RALGPS1: variants seen among roughly 807,000 people sequenced by gnomAD.
The protein encoded by RALGPS1 is ras-specific guanine nucleotide-releasing factor RalGPS1.
Under a neutral mutation model 78.8 loss-of-function variants are expected in RALGPS1, and 19 were observed. The ratio of observed to expected loss-of-function variants is 0.24; its 90% CI spans 0.17 to 0.35. The LOEUF (loss-of-function observed/expected upper bound fraction) is 0.35. RALGPS1 is among the 10% of genes least tolerant of loss of function. The pLI is 1.00. For missense variants in RALGPS1, 454 were observed against 688.3 expected (o/e 0.66, Z 3.81); for synonymous variants, 228 against 256.3 (o/e 0.89, Z 1.06).
chr9:127,018,991 G>T (rs1167239219), intron 4 of RALGPS1, among the ~76,000 whole-genome samples: 1 of 152,156 alleles, frequency 6.6e-6, no homozygotes, highest in Non-Finnish European at 1.5e-5. Flanking sequence ...AAAATAAATG[G>T]TCAAAATTAA....
At chr9:127,148,815 G>A (rs997191557) in intron 8 of RALGPS1, among the ~76,000 whole-genome samples, 15 of 152,210 alleles carry the variant, frequency 9.9e-5, no homozygotes, top group East Asian at 1.9e-4. Context: ...TTCTCAAGGC[G>A]GTTGCATGCT....
chr9:126,928,170 AT>A (rs2035473791), intron 1 of RALGPS1, among the ~76,000 whole-genome samples: 1 of 152,176 alleles, frequency 6.6e-6, no homozygotes, highest in Non-Finnish European at 1.5e-5. Context: ...CTGATCTGTG[AT>A]CCATTGTGTG....
At chr9:127,079,319 GA>G (rs1168651621) in intron 8 of RALGPS1, among the ~76,000 whole-genome samples, 3 of 152,200 alleles carry the variant, frequency 2.0e-5, no homozygotes, top group Non-Finnish European at 4.4e-5. Flanking sequence ...TGGGACAAAG[GA>G]AAGACTGGGG....
intron 5 of RALGPS1, among the ~76,000 whole-genome samples, chr9:127,038,338 C>A (rs1228628769): frequency 6.6e-6 from 1 of 152,204 alleles, no homozygotes; most frequent in Non-Finnish European, 1.5e-5. Flanking sequence ...GAAACTGAGG[C>A]TCTGCAAAGT....
intron 8 of RALGPS1, among the ~76,000 whole-genome samples, chr9:127,104,833 A>G (rs1484958074): frequency 1.3e-5 from 2 of 152,234 alleles, no homozygotes; most frequent in Non-Finnish European, 2.9e-5. Flanking sequence ...GTTTAATTGC[A>G]AAGGTATTTC....
chr9:127,004,198 C>T (rs1222390146), intron 4 of RALGPS1, among the ~76,000 whole-genome samples: 11 of 152,026 alleles, frequency 7.2e-5, no homozygotes, highest in Non-Finnish European at 1.5e-4. Context: ...CAGGCTAAAG[C>T]GCAATGGCGT....
chr9:127,107,430 ACTC>A (rs528510918), intron 8 of RALGPS1, among the ~76,000 whole-genome samples: 145 of 152,114 alleles, frequency 9.5e-4, no homozygotes, highest in African/African-American at 2.9e-3. Flanking sequence ...TTTAGGAAGG[ACTC>A]CTTCCCATGC....
chr9:127,019,315 TTTTTATTTTA>T (rs755898486), intron 4 of RALGPS1, among the ~76,000 whole-genome samples: 28 of 152,192 alleles, frequency 1.8e-4, no homozygotes, highest in Admixed American at 1.2e-3. Context: ...TACTGTTCAT[TTTTTATTTTA>T]TTTTATTTTA....
intron 8 of RALGPS1, among the ~76,000 whole-genome samples, chr9:127,112,794 G>A (rs556490205): frequency 6.6e-6 from 1 of 152,342 alleles, no homozygotes; most frequent in Admixed American, 6.5e-5. Flanking sequence ...AGGATGCTGG[G>A]TGTGGGCCAG....
chr9:126,935,622 T>C (rs1167192030), intron 1 of RALGPS1, among the ~76,000 whole-genome samples: 1 of 135,610 alleles, frequency 7.4e-6, no homozygotes, highest in Non-Finnish European at 1.7e-5. Flanking sequence ...AACAACACTA[T>C]AAGTAACTCA....
intron 5 of RALGPS1, among the ~76,000 whole-genome samples, chr9:127,043,925 T>G (rs1039375798): frequency 6.6e-6 from 1 of 152,218 alleles, no homozygotes; most frequent in African/African-American, 2.4e-5. Flanking sequence ...CAAAAAACCC[T>G]GATAACACCA....
chr9:127,078,315 T>A (rs1459972882), intron 8 of RALGPS1, among the ~76,000 whole-genome samples: 1 of 152,182 alleles, frequency 6.6e-6, no homozygotes, highest in Admixed American at 6.5e-5. Flanking sequence ...AAATTCACAT[T>A]TTTTCTGGGA....
Position 126,914,811 on chromosome 9 carries a change from G to T in RALGPS1, c.-230G>T, listed in dbSNP as rs2033931201. ...CCTGGAGCGGACGGTTCCTACTGCG[G>T]CTGGGCACCGGCTCCGCTCCCGCGT... On this transcript the variant is annotated 5_prime_UTR_variant, in exon 1 of 19. Transcript: ENST00000259351. 6.6e-6 allele frequency: 1 copy of T among 152,258 alleles called. No homozygotes were observed. Among genetic ancestry groups the T allele is most frequent in the African/African-American group, 2.4e-5 (1 of 41,450 alleles). The allele number at this position is 152,258 out of a possible 1,614,324, so 9.4% of individuals were successfully genotyped here. A position where few individuals can be genotyped will look rare whatever the true frequency, so the allele number is the denominator to read the frequency against.
intron 4 of RALGPS1, among the ~76,000 whole-genome samples, chr9:127,003,124 A>T (rs2043498796): frequency 6.6e-6 from 1 of 152,220 alleles, no homozygotes; most frequent in Non-Finnish European, 1.5e-5. Flanking sequence ...AGGCATTACC[A>T]TTCAGGACAT....
At chr9:127,130,328 T>G (rs1321250826) in intron 8 of RALGPS1, among the ~76,000 whole-genome samples, 2 of 152,256 alleles carry the variant, frequency 1.3e-5, no homozygotes, top group Non-Finnish European at 2.9e-5. Context: ...AGGTGCTCAG[T>G]AAATGCTGGC....
intron 4 of RALGPS1, among the ~76,000 whole-genome samples, chr9:127,019,373 G>A (rs2045222633): frequency 6.6e-6 from 1 of 151,916 alleles, no homozygotes; most frequent in Non-Finnish European, 1.5e-5. Context: ...TGTCGCCCAG[G>A]CTGGAGTGCA....
intron 8 of RALGPS1, among the ~76,000 whole-genome samples, chr9:127,099,514 T>A (rs1473207703): frequency 4.0e-5 from 6 of 151,718 alleles, no homozygotes; most frequent in African/African-American, 1.5e-4. Context: ...TAGGTGAGAG[T>A]CCCACCCAGG....
At chr9:126,926,064 A>C (rs1415984991) in intron 1 of RALGPS1, among the ~76,000 whole-genome samples, 2 of 152,088 alleles carry the variant, frequency 1.3e-5, no homozygotes, top group East Asian at 1.9e-4. Context: ...ATTTTTCATA[A>C]CTCCCCAGCT....
At chr9:127,146,680 A>G (rs2058114246) in intron 8 of RALGPS1, among the ~76,000 whole-genome samples, 1 of 151,534 alleles carries the variant, frequency 6.6e-6, no homozygotes, top group African/African-American at 2.4e-5. Flanking sequence ...AGTAGCTGGG[A>G]TGACAGACAT....
Sources: gnomAD v4.1 joint callset for allele counts (sites outside exome capture counted in the v4.1 genomes callset) on GRCh38, gnomAD v4.1.1 for gene constraint, MANE v1.5 for transcripts, NCBI Gene and HGNC (gene_info 2026-07-23, HGNC 2026-07-21) for gene names.